LIPI: variants seen among roughly 807,000 people sequenced by gnomAD.
The protein encoded by LIPI is lipase member I.
Under a neutral mutation model 50.6 loss-of-function variants are expected in LIPI, and 59 were observed. The ratio of observed to expected loss-of-function variants is 1.16; its 90% CI spans 0.94 to 1.45. The LOEUF (loss-of-function observed/expected upper bound fraction) is 1.45, where lower values mean the gene tolerates loss of function less well. Among genes scored for constraint, LIPI ranks in the 40% most tolerant of loss-of-function variants. LIPI has a pLI of 0.00. For missense variants in LIPI, 586 were observed against 536.3 expected (o/e 1.09, Z -0.92); for synonymous variants, 203 against 178.2 (o/e 1.14, Z -1.11).
chr21:14,151,075 C>A (rs374605728), intron 8 of LIPI, among the ~76,000 whole-genome samples: 1 of 151,938 alleles, frequency 6.6e-6, no homozygotes, highest in African/African-American at 2.4e-5. Context: ...TCATGGCATC[C>A]CTTGATGGAA....
chr21:14,137,380 C>T (rs1419239857), intron 9 of LIPI, among the ~76,000 whole-genome samples: 1 of 151,980 alleles, frequency 6.6e-6, no homozygotes, highest in Non-Finnish European at 1.5e-5. Flanking sequence ...ATAAATTTAA[C>T]AAAGAGATTG....
At position 14,160,457 on chromosome 21, in the gene LIPI, T is replaced by G. The variant is rs554177212; in HGVS notation, c.1006+2962A>C. Among the ~76,000 whole-genome samples the G allele has an allele frequency of 6.3e-4, 95 of 151,142 alleles. 3 individuals carry two copies. The South Asian group carries it at 0.018, about 28-fold the overall frequency. On this transcript the variant is annotated intron_variant, in intron 7 of 9. Transcript: ENST00000681601. ...TGCAAAAGCACTTAATAAAAGAGAA[T>G]CTATCAACAAATGATGCTGGAGCTA...
intron 1 of LIPI, chr21:14,206,754 T>C: frequency 9.8e-7 from 1 of 1,016,970 alleles, no homozygotes. Context: ...CAGTGTTGTT[T>C]TATATTTCCT....
intron 7 of LIPI, among the ~76,000 whole-genome samples, chr21:14,154,338 T>C (rs926938700): frequency 1.3e-5 from 2 of 152,036 alleles, no homozygotes; most frequent in African/African-American, 4.8e-5. Context: ...TAAACTATCT[T>C]TTCATTTCTG....
chr21:14,160,477 G>T (rs2018424011), intron 7 of LIPI, among the ~76,000 whole-genome samples: 1 of 149,818 alleles, frequency 6.7e-6, no homozygotes, highest in Non-Finnish European at 1.5e-5. Flanking sequence ...AATGATGCTG[G>T]AGCTATAAAA....
chr21:14,199,266 T>C (rs538823458), intron 1 of LIPI, among the ~76,000 whole-genome samples: 14 of 151,312 alleles, frequency 9.3e-5, no homozygotes, highest in African/African-American at 3.4e-4. Context: ...TGACGGAGAC[T>C]GAGAAATGAA....
At chr21:14,148,626 G>T (rs1021421132) in intron 8 of LIPI, among the ~76,000 whole-genome samples, 1 of 152,012 alleles carries the variant, frequency 6.6e-6, no homozygotes, top group Admixed American at 6.6e-5. Flanking sequence ...ATTGCTTCTA[G>T]GTTATAAACC....
chr21:14,162,184 A>T (rs1364711537), intron 7 of LIPI, among the ~76,000 whole-genome samples: 2 of 151,160 alleles, frequency 1.3e-5, no homozygotes, highest in Non-Finnish European at 3.0e-5. Context: ...TGCTACATGG[A>T]TGAACCTCCA....
At chr21:14,125,277 T>TG (rs1301542839) in intron 9 of LIPI, among the ~76,000 whole-genome samples, 1 of 152,180 alleles carries the variant, frequency 6.6e-6, no homozygotes, top group Non-Finnish European at 1.5e-5. Context: ...GCACAAAACC[T>TG]GGGATAAGAG....
chr21:14,128,385 A>G (rs1309465529), intron 9 of LIPI, among the ~76,000 whole-genome samples: 2 of 152,096 alleles, frequency 1.3e-5, no homozygotes, highest in African/African-American at 4.8e-5. Flanking sequence ...AAACTCCAAG[A>G]AAGATTTTAG....
chr21:14,197,310 T>A (rs185355038), intron 1 of LIPI, among the ~76,000 whole-genome samples: 2 of 152,126 alleles, frequency 1.3e-5, no homozygotes, highest in African/African-American at 4.8e-5. Context: ...TATCATACTA[T>A]GTATTATTTT....
intron 4 of LIPI, among the ~76,000 whole-genome samples, chr21:14,176,444 C>A (rs1040227533): frequency 6.6e-6 from 1 of 151,782 alleles, no homozygotes; most frequent in African/African-American, 2.4e-5. Flanking sequence ...TATACATTAA[C>A]TTCTAGCCAT....
chr21:14,205,618 T>C (rs986700633), intron 1 of LIPI, among the ~76,000 whole-genome samples: 3 of 152,064 alleles, frequency 2.0e-5, no homozygotes, highest in Admixed American at 2.0e-4. Flanking sequence ...GTGATGCTGA[T>C]TAAATTGTGT....
At chr21:14,166,331 T>C (rs1405511705) in intron 5 of LIPI, 31 bp downstream of exon 5, 1 of 1,117,484 alleles carries the variant, frequency 8.9e-7, no homozygotes, top group East Asian at 2.3e-5. Flanking sequence ...TCGAATATTA[T>C]GTAGTTCATT....
chr21:14,174,674 C>T (rs1289886753), intron 4 of LIPI, among the ~76,000 whole-genome samples: 3 of 152,170 alleles, frequency 2.0e-5, no homozygotes, highest in Non-Finnish European at 2.9e-5. Context: ...CTGCCTCAGC[C>T]TCCCAAGTAG....
chr21:14,148,697 A>T (rs374338283), intron 8 of LIPI, among the ~76,000 whole-genome samples: 3 of 152,320 alleles, frequency 2.0e-5, no homozygotes, highest in East Asian at 3.9e-4. Flanking sequence ...TTTGGACTCT[A>T]TAATGTCCAA....
intron 9 of LIPI, among the ~76,000 whole-genome samples, chr21:14,142,784 A>T (rs2017761119): frequency 6.6e-6 from 1 of 151,772 alleles, no homozygotes; most frequent in African/African-American, 2.4e-5. Context: ...ACTCTTGGCC[A>T]ATTTGTATAC....
intron 4 of LIPI, among the ~76,000 whole-genome samples, chr21:14,172,682 C>T (rs1359159103): frequency 2.1e-5 from 3 of 143,586 alleles, no homozygotes; most frequent in Non-Finnish European, 4.5e-5. Flanking sequence ...CACATGGACA[C>T]AAGAAGGGGA....
At chr21:14,118,893 C>T (rs139736718) in intron 9 of LIPI, among the ~76,000 whole-genome samples, 841 of 152,262 alleles carry the variant, frequency 5.5e-3, no homozygotes, top group Non-Finnish European at 8.9e-3. Context: ...AGATGTGTCT[C>T]CTCATGGAAT....
Sources: gnomAD v4.1 joint callset for allele counts (sites outside exome capture counted in the v4.1 genomes callset) on GRCh38, gnomAD v4.1.1 for gene constraint, MANE v1.5 for transcripts, NCBI Gene and HGNC (gene_info 2026-07-23, HGNC 2026-07-21) for gene names.